The following RBFOX2 variants were observed in gnomAD, a reference collection of about 807,000 sequenced individuals.
RBFOX2 encodes the protein RNA binding protein fox-1 homolog 2.
In RBFOX2, 10 loss-of-function variants were observed where a neutral mutation model predicts 49.1. The observed-to-expected ratio is 0.20, with a 90% CI of 0.13 to 0.35. The LOEUF is 0.35. Ranked by LOEUF, RBFOX2 falls within the 10% of genes least tolerant of loss-of-function variation. RBFOX2 has a pLI of 1.00. For missense variants in RBFOX2, 323 were observed against 486.9 expected (o/e 0.66, Z 3.17); for synonymous variants, 183 against 187.4 (o/e 0.98, Z 0.19).
intron 1 of RBFOX2, among the ~76,000 whole-genome samples, chr22:35,956,550 C>T (rs1246729102): frequency 3.3e-5 from 5 of 152,050 alleles, no homozygotes; most frequent in South Asian, 2.1e-4. Context: ...TTAGTAGAGA[C>T]GGGGTTTCAC....
chr22:35,850,417 C>G (rs1002900113), intron 1 of RBFOX2, among the ~76,000 whole-genome samples: 8 of 152,092 alleles, frequency 5.3e-5, no homozygotes, highest in African/African-American at 1.9e-4. Flanking sequence ...GAGGTTAGGA[C>G]AGCTGGCAGG....
intron 1 of RBFOX2, among the ~76,000 whole-genome samples, chr22:35,949,680 T>G (rs1394495469): frequency 1.3e-5 from 2 of 152,236 alleles, no homozygotes; most frequent in Non-Finnish European, 2.9e-5. Flanking sequence ...CTTTTCATCT[T>G]TTCATGTGCT....
At chr22:35,823,738 G>A (rs1159101197) in intron 1 of RBFOX2, among the ~76,000 whole-genome samples, 1 of 152,202 alleles carries the variant, frequency 6.6e-6, no homozygotes, top group Non-Finnish European at 1.5e-5. Context: ...AATTAGAGAA[G>A]ATTAAAAGGA....
At chr22:35,997,622 CGGA>C (rs1309469164) in intron 1 of RBFOX2, 1 of 152,168 alleles carries the variant, frequency 6.6e-6, no homozygotes, top group Non-Finnish European at 1.5e-5. Context: ...AACTGAGATG[CGGA>C]GGGAGTATAG....
At chr22:36,005,280 C>A (rs1436700048) in intron 1 of RBFOX2, among the ~76,000 whole-genome samples, 1 of 152,174 alleles carries the variant, frequency 6.6e-6, no homozygotes, top group Non-Finnish European at 1.5e-5. Context: ...CAAAGGAATC[C>A]TCTGGATAAT....
chr22:35,854,795 G>A (rs1481824827), intron 1 of RBFOX2, among the ~76,000 whole-genome samples: 1 of 151,662 alleles, frequency 6.6e-6, no homozygotes, highest in Non-Finnish European at 1.5e-5. Context: ...ATTTCTTTCT[G>A]TAAAATTTTT....
At chr22:35,897,530 G>A in intron 1 of RBFOX2, 1 of 829,484 alleles carries the variant, frequency 1.2e-6, no homozygotes, top group Non-Finnish European at 2.1e-6. Flanking sequence ...AGGGGTACGG[G>A]AGGAAGTACC....
At chr22:35,793,272 C>T (rs1948134331) in intron 2 of RBFOX2, among the ~76,000 whole-genome samples, 1 of 152,206 alleles carries the variant, frequency 6.6e-6, no homozygotes, top group African/African-American at 2.4e-5. Context: ...TACTTGGAGG[C>T]TGAGGCAGGA....
At chr22:35,870,322 C>T (rs1016549678) in intron 1 of RBFOX2, among the ~76,000 whole-genome samples, 14 of 152,006 alleles carry the variant, frequency 9.2e-5, no homozygotes, top group African/African-American at 3.4e-4. Flanking sequence ...GCCTGGCCAA[C>T]AGAGTGAAAT....
chr22:35,871,239 C>T (rs553065908), intron 1 of RBFOX2, among the ~76,000 whole-genome samples: 4 of 152,228 alleles, frequency 2.6e-5, no homozygotes, highest in South Asian at 2.1e-4. Flanking sequence ...ATTATATAAT[C>T]GGGTTTTCCC....
At chr22:35,754,540 A>C (rs778752811) in intron 9 of RBFOX2, among the ~76,000 whole-genome samples, 2 of 152,258 alleles carry the variant, frequency 1.3e-5, no homozygotes, top group African/African-American at 2.4e-5. Context: ...CAAGAAAACA[A>C]GTTAAATAAC....
chr22:35,761,807 T>C (rs1008708085), intron 6 of RBFOX2, among the ~76,000 whole-genome samples: 33 of 152,270 alleles, frequency 2.2e-4, no homozygotes, highest in African/African-American at 7.2e-4. Context: ...CTATCCTTCA[T>C]TTAAAAAAAG....
At chr22:36,009,267 A>G (rs908610371) in intron 1 of RBFOX2, among the ~76,000 whole-genome samples, 5 of 152,236 alleles carry the variant, frequency 3.3e-5, no homozygotes, top group African/African-American at 1.2e-4. Flanking sequence ...AGCCTCATTT[A>G]TTATCTCCAT....
chr22:36,024,247 G>A (rs1271088130), intron 1 of RBFOX2, among the ~76,000 whole-genome samples: 3 of 152,128 alleles, frequency 2.0e-5, no homozygotes, highest in African/African-American at 4.8e-5. Context: ...TAGGTATTAC[G>A]AAGGATAAAT....
At position 35,977,604 on chromosome 22, in the gene RBFOX2, C is replaced by T. The variant is rs533797566; in HGVS notation, c.187-38707G>A. Among the ~76,000 whole-genome samples, 15 of 151,360 alleles carry T rather than the reference C, an allele frequency of 9.9e-5. No individual in the cohort carries two copies. The East Asian group carries it at 1.4e-3, about 14-fold the overall frequency. The stretch of plus-strand genomic sequence containing the variant: ...TGAAGAAACTTTCTACGGTAATGGA[C>T]GCATTTTATATCTTGATTGTGGTAG... On this transcript the variant is annotated intron_variant, in intron 1 of 13. Transcript: ENST00000438146.
At chr22:35,985,745 C>T (rs776609582) in intron 1 of RBFOX2, among the ~76,000 whole-genome samples, 34 of 152,090 alleles carry the variant, frequency 2.2e-4, no homozygotes, top group African/African-American at 5.1e-4. Flanking sequence ...GAGGAGACAA[C>T]GGGGTCAAAG....
At position 35,746,517 on chromosome 22, in the gene RBFOX2, G is replaced by A. The variant is rs949919887; in HGVS notation, c.932C>T (p.Pro311Leu). 24 of 1,610,392 alleles carry A rather than the reference G, an allele frequency of 1.5e-5. No homozygotes were observed. Among genetic ancestry groups the A allele is most frequent in the South Asian group, 3.3e-5 (3 of 90,660 alleles). ...CAGCGGCTGCAGCAGCGGTGGCTGC[G>A]GTTGCAGTAGCAGGCTGTGCATATC... is the stretch of plus-strand genomic sequence containing the variant. Residue 311 changes from proline to leucine, a missense_variant, in exon 10 of 12, where the codon CCG becomes CTG. Physicochemically the swap from Pro to Leu is moderately conservative, Grantham distance 98. Transcript: ENST00000405409.
At chr22:35,751,870 T>A (rs1244528510) in intron 9 of RBFOX2, among the ~76,000 whole-genome samples, 1 of 152,244 alleles carries the variant, frequency 6.6e-6, no homozygotes, top group East Asian at 1.9e-4. Context: ...AATCAAACCT[T>A]TCAAACATTA....
chr22:36,025,976 T>C (rs989760513), intron 1 of RBFOX2, among the ~76,000 whole-genome samples: 7 of 149,930 alleles, frequency 4.7e-5, no homozygotes, highest in African/African-American at 1.7e-4. Context: ...AATGGGAATG[T>C]ATAGAAGGCC....
Sources: gnomAD v4.1 joint callset for allele counts (sites outside exome capture counted in the v4.1 genomes callset) on GRCh38, gnomAD v4.1.1 for gene constraint, MANE v1.5 for transcripts, NCBI Gene and HGNC (gene_info 2026-07-23, HGNC 2026-07-21) for gene names.